Variants in CACNA2D1 observed in about 807,000 individuals in gnomAD.
CACNA2D1 encodes voltage-dependent calcium channel subunit alpha-2/delta-1.
CACNA2D1 carries 53 observed loss-of-function variants against 171.5 expected under a neutral mutation model. That is an observed-to-expected ratio of 0.31 (90% CI 0.25 to 0.39). The LOEUF (loss-of-function observed/expected upper bound fraction) is 0.39, where lower values mean the gene tolerates loss of function less well. Among genes scored for constraint, CACNA2D1 ranks in the 10% least tolerant of loss-of-function variants. CACNA2D1 has a pLI of 1.00. For synonymous variants in CACNA2D1, 442 were observed against 443.1 expected, an observed-to-expected ratio of 1.00 and a Z score of 0.03; for missense variants, 903 against 1,299.8, an observed-to-expected ratio of 0.69 and a Z score of 4.69.
intron 7 of CACNA2D1, among the ~76,000 whole-genome samples, chr7:82,068,428 AT>A (rs1265474613): frequency 6.6e-6 from 1 of 152,008 alleles, no homozygotes; most frequent in African/African-American, 2.4e-5. Flanking sequence ...GAACTGGGGG[AT>A]TAGGACCTCT....
intron 19 of CACNA2D1, among the ~76,000 whole-genome samples, chr7:81,996,240 C>A (rs1031081649): frequency 6.6e-6 from 1 of 152,106 alleles, no homozygotes; most frequent in African/African-American, 2.4e-5. Flanking sequence ...GAGTAAGAGT[C>A]CAGACACCAA....
intron 38 of CACNA2D1, among the ~76,000 whole-genome samples, chr7:81,956,353 C>G (rs1793344245): frequency 6.6e-6 from 1 of 151,944 alleles, no homozygotes. Context: ...TTTAGTGTAA[C>G]TGATAACCTA....
At chr7:82,371,460 C>A (rs4370477) in intron 1 of CACNA2D1, among the ~76,000 whole-genome samples, 2 of 151,990 alleles carry the variant, frequency 1.3e-5, no homozygotes, top group Non-Finnish European at 2.9e-5. Flanking sequence ...ATGTATGGTA[C>A]GTAATAAATA....
intron 25 of CACNA2D1, among the ~76,000 whole-genome samples, chr7:81,973,831 G>T (rs1795552472): frequency 6.6e-6 from 1 of 151,860 alleles, no homozygotes; most frequent in African/African-American, 2.4e-5. Context: ...TTTCTATTAA[G>T]CTTAGAGTAT....
intron 3 of CACNA2D1, among the ~76,000 whole-genome samples, chr7:82,281,481 CAACT>C (rs749918673): frequency 3.9e-4 from 60 of 152,116 alleles, no homozygotes; most frequent in Non-Finnish European, 5.9e-4. Flanking sequence ...AAATTCTTAC[CAACT>C]AACTGTCATT....
At chr7:81,953,040 C>A (rs1261804161) in intron 38 of CACNA2D1, among the ~76,000 whole-genome samples, 1 of 152,004 alleles carries the variant, frequency 6.6e-6, no homozygotes, top group Non-Finnish European at 1.5e-5. Context: ...TAGATGTGCA[C>A]CACCACACCT....
chr7:82,143,950 G>C (rs916880446), intron 4 of CACNA2D1, among the ~76,000 whole-genome samples: 1 of 152,122 alleles, frequency 6.6e-6, no homozygotes. Flanking sequence ...TTCAGAAACT[G>C]TTTATTCACC....
chr7:82,333,951 A>C (rs1388430854), intron 3 of CACNA2D1, among the ~76,000 whole-genome samples: 1 of 152,200 alleles, frequency 6.6e-6, no homozygotes. Flanking sequence ...AATAATTAAA[A>C]GAAAAGTTGA....
chr7:81,982,490 G>T, intron 24 of CACNA2D1, 77 bp downstream of exon 24: 1 of 819,382 alleles, frequency 1.2e-6, no homozygotes, highest in Non-Finnish European at 2.2e-6. Context: ...ACCCAGAGCA[G>T]TCTTGACTCA....
chr7:81,966,581 GAATT>G (rs1490674016), intron 31 of CACNA2D1, among the ~76,000 whole-genome samples: 1 of 151,134 alleles, frequency 6.6e-6, no homozygotes, highest in East Asian at 1.9e-4. Flanking sequence ...TCAATTTTTA[GAATT>G]ATTTATCTAG....
chr7:82,322,718 G>T (rs1233797341), intron 3 of CACNA2D1, among the ~76,000 whole-genome samples: 2 of 152,144 alleles, frequency 1.3e-5, no homozygotes, highest in Admixed American at 1.3e-4. Flanking sequence ...ATCGTATCAG[G>T]AGATTTTTTA....
chr7:81,961,746 C>A, intron 36 of CACNA2D1, 148 bp downstream of exon 36: 1 of 701,620 alleles, frequency 1.4e-6, no homozygotes. Context: ...ACATTTTCAG[C>A]TTAAAACAAT....
chr7:81,950,539 A>G, intron 38 of CACNA2D1, 31 bp from the exon 39 acceptor site: 3 of 1,587,760 alleles, frequency 1.9e-6, no homozygotes, highest in Non-Finnish European at 2.6e-6. Flanking sequence ...AAAGAACAGA[A>G]AAAGAAAAAT....
At chr7:82,305,956 T>C (rs1037168803) in intron 3 of CACNA2D1, among the ~76,000 whole-genome samples, 8 of 152,176 alleles carry the variant, frequency 5.3e-5, no homozygotes, top group Non-Finnish European at 1.2e-4. Flanking sequence ...TGGAATCCAA[T>C]TGAGCAGATA....
intron 3 of CACNA2D1, among the ~76,000 whole-genome samples, chr7:82,284,134 T>C (rs1445562371): frequency 6.7e-6 from 1 of 150,050 alleles, no homozygotes; most frequent in East Asian, 2.0e-4. Flanking sequence ...GTGGAGGCTC[T>C]ACTGTGCTAT....
rs1387656487 is a variant in CACNA2D1, at chr7:82,160,488, G to A, written c.354+10062C>T. The stretch of plus-strand genomic sequence containing the variant: ...TATAGAACATAAGACAAACCTTAAT[G>A]TAAAAGTAATAATTTAATAAGATTT... On this transcript the variant is annotated intron_variant, in intron 4 of 38. Coordinates refer to ENST00000356860, the MANE Select transcript of CACNA2D1 (RefSeq NM_000722.4). 3.3e-5 allele frequency among the ~76,000 whole-genome samples: 5 copies of A among 152,142 alleles called. No homozygotes were observed. The South Asian group carries it at 1.0e-3, about 32-fold the overall frequency.
At chr7:82,438,544 C>T (rs1030797201) in intron 1 of CACNA2D1, among the ~76,000 whole-genome samples, 8 of 152,158 alleles carry the variant, frequency 5.3e-5, no homozygotes, top group African/African-American at 1.2e-4. Flanking sequence ...AACAACACTA[C>T]GCAATCGTTT....
intron 3 of CACNA2D1, among the ~76,000 whole-genome samples, chr7:82,298,122 T>A (rs568630003): frequency 1.3e-5 from 2 of 152,216 alleles, no homozygotes; most frequent in Non-Finnish European, 2.9e-5. Flanking sequence ...TGGTAATTAT[T>A]GAGTAATATT....
intron 2 of CACNA2D1, among the ~76,000 whole-genome samples, chr7:82,341,707 T>A (rs1585571050): frequency 6.6e-6 from 1 of 152,134 alleles, no homozygotes; most frequent in Non-Finnish European, 1.5e-5. Flanking sequence ...TTTATGAAAC[T>A]ATAGGTAATC....
Sources: allele counts gnomAD v4.1 joint callset (sites outside exome capture counted in the v4.1 genomes callset), GRCh38; gene constraint gnomAD v4.1.1; transcripts MANE v1.5; gene names NCBI Gene and HGNC (gene_info 2026-07-23, HGNC 2026-07-21).